Variants in NF2 observed in about 807,000 individuals in gnomAD.
NF2 encodes merlin.
A neutral mutation model predicts 83.7 loss-of-function variants in NF2; 8 were observed. That is an observed-to-expected ratio of 0.10 (90% CI 0.06 to 0.17). The LOEUF (loss-of-function observed/expected upper bound fraction) is 0.17. Ranked by LOEUF, NF2 falls within the 10% of genes least tolerant of loss-of-function variation. NF2 has a pLI of 1.00. For missense variants in NF2, 533 were observed against 744.4 expected (o/e 0.72, Z 3.31); for synonymous variants, 266 against 269.6 (o/e 0.99, Z 0.13).
chr22:29,619,476 A>G (rs1569269646), intron 1 of NF2, among the ~76,000 whole-genome samples: 1 of 151,840 alleles, frequency 6.6e-6, no homozygotes, highest in Non-Finnish European at 1.5e-5. Context: ...AGCTCACTTC[A>G]ACCTCTGTCT....
Position 29,673,398 on chromosome 22 carries a change from C to T in NF2, c.1252C>T (p.Arg418Cys), listed in dbSNP as rs765540111. 50 of 1,612,096 alleles carry T rather than the reference C, an allele frequency of 3.1e-5. No homozygotes were observed. The highest frequency in any genetic ancestry group is 4.0e-5 in the African/African-American group (3 of 74,932). The change falls in exon 12 of 16, where the codon CGC becomes TGC. Residue 418 changes from arginine (R) to cysteine (C), a missense_variant. Physicochemically the swap from Arg to Cys is radical, Grantham distance 180. Transcript: ENST00000338641. ...EMQRIKATAI[R>C]TEEEKRLMEQ... ...GCAGCGCATCAAGGCCACAGCGATT[C>T]GCACGGAGGAGGAGAAGCGCCTGAT...
intron 5 of NF2, 143 bp from the exon 6 acceptor site, chr22:29,655,447 CCTCT>C: frequency 1.4e-6 from 1 of 697,802 alleles, no homozygotes; most frequent in East Asian, 2.7e-5. Flanking sequence ...ATTTACACGC[CCTCT>C]CTCTGTGTGA....
chr22:29,650,216 TA>T (rs2066106202), intron 4 of NF2, among the ~76,000 whole-genome samples: 1 of 152,190 alleles, frequency 6.6e-6, no homozygotes, highest in South Asian at 2.1e-4. Context: ...TTTATGTATA[TA>T]AATTTTATCT....
chr22:29,650,503 G>T (rs982558265), intron 4 of NF2, among the ~76,000 whole-genome samples: 2 of 151,818 alleles, frequency 1.3e-5, no homozygotes, highest in African/African-American at 2.4e-5. Context: ...GCCTACTACT[G>T]TATTGTTTGT....
chr22:29,645,367 G>A (rs781205768), intron 4 of NF2, among the ~76,000 whole-genome samples: 32 of 152,200 alleles, frequency 2.1e-4, no homozygotes, highest in Non-Finnish European at 3.5e-4. Flanking sequence ...GCTAAGAGCA[G>A]AAGGGTAGAA....
chr22:29,656,080 A>G (rs950703492), intron 6 of NF2, among the ~76,000 whole-genome samples: 2 of 151,918 alleles, frequency 1.3e-5, no homozygotes, highest in South Asian at 2.1e-4. Flanking sequence ...CTGGCACTAC[A>G]GGCACACGCC....
chr22:29,674,753 C>T, intron 12 of NF2, 83 bp from the exon 13 acceptor site: 1 of 1,225,558 alleles, frequency 8.2e-7, no homozygotes, highest in South Asian at 1.3e-5. Flanking sequence ...TAGCCCAGGT[C>T]CCTCCTCTGC....
chr22:29,672,079 T>C (rs1275450639), intron 11 of NF2, 131 bp downstream of exon 11: 1 of 1,359,266 alleles, frequency 7.4e-7, no homozygotes, highest in African/African-American at 1.4e-5. Context: ...TTTGAAAAAA[T>C]CAGTGCCTTT....
At chr22:29,655,931 T>C (rs1473194656) in intron 6 of NF2, among the ~76,000 whole-genome samples, 1 of 151,734 alleles carries the variant, frequency 6.6e-6, no homozygotes, top group Non-Finnish European at 1.5e-5. Flanking sequence ...CACTGGTAAT[T>C]AAGTTTAAGA....
intron 8 of NF2, 55 bp downstream of exon 8, chr22:29,661,394 C>G: frequency 5.6e-6 from 9 of 1,607,992 alleles, no homozygotes; most frequent in Admixed American, 1.7e-5. Flanking sequence ...TGTCTGCCCC[C>G]CTCACTGGAG....
chr22:29,616,861 T>C (rs183047979), intron 1 of NF2, among the ~76,000 whole-genome samples: 1 of 152,212 alleles, frequency 6.6e-6, no homozygotes, highest in Non-Finnish European at 1.5e-5. Context: ...TAAGTTACTA[T>C]TTGATAGATG....
chr22:29,618,722 C>T (rs1203178612), intron 1 of NF2, among the ~76,000 whole-genome samples: 1 of 152,162 alleles, frequency 6.6e-6, no homozygotes, highest in Non-Finnish European at 1.5e-5. Flanking sequence ...AAAACAAAGC[C>T]TCCTTCTCCT....
rs2066493505 is a variant in NF2 at position 29,662,054 on chromosome 22, A to G, written c.810+715A>G. On this transcript the variant is annotated intron_variant, in intron 8 of 15. Transcript: ENST00000338641. ...GTGACTTTTACCAAAAAGGTCCCAT[A>G]ATGTATAATCTTATGTTTACTCATC... Among the ~76,000 whole-genome samples the G allele has an allele frequency of 3.9e-5, 6 of 152,206 alleles. No homozygotes were observed. The South Asian group carries it at 1.2e-3, about 31-fold the overall frequency.
At chr22:29,637,022 G>A in intron 2 of NF2, 146 bp downstream of exon 2, 1 of 1,215,868 alleles carries the variant, frequency 8.2e-7, no homozygotes, top group Non-Finnish European at 1.2e-6. Context: ...CAGAAAGCAG[G>A]ACGTAGAGAT....
chr22:29,678,117 G>A lies in NF2; in HGVS notation c.1447-79G>A, dbSNP rs1009025182. 8.1e-6 allele frequency: 13 copies of A among 1,598,352 alleles called. No homozygotes were observed. In the African/African-American group the frequency reaches 1.7e-4, roughly 21 times the overall value. ...GTGCCCATTGCCTCTGTGGCTGCTG[G>A]AGGATCGGTTGTCAACACAGTAGTG... On this transcript the variant is annotated intron_variant, in intron 13 of 15. Transcript: ENST00000338641.
chr22:29,660,799 C>T (rs930441875), intron 7 of NF2, among the ~76,000 whole-genome samples: 1 of 152,180 alleles, frequency 6.6e-6, no homozygotes, highest in Non-Finnish European at 1.5e-5. Flanking sequence ...GAACTCCTGA[C>T]CTCGTGAACC....
At chr22:29,687,158 A>C (rs79512785) in intron 15 of NF2, among the ~76,000 whole-genome samples, 2,832 of 152,266 alleles carry the variant, frequency 0.019, 90 homozygotes, top group African/African-American at 0.064. Flanking sequence ...CAAAGTCATC[A>C]CTTTTGTGCC....
intron 7 of NF2, among the ~76,000 whole-genome samples, chr22:29,660,595 A>C (rs2066449328): frequency 1.3e-5 from 2 of 152,200 alleles, no homozygotes; most frequent in Non-Finnish European, 1.5e-5. Flanking sequence ...TTTTTAACGA[A>C]GTCTCTCTTT....
At chr22:29,642,859 C>G (rs2065850354) in intron 4 of NF2, among the ~76,000 whole-genome samples, 2 of 152,170 alleles carry the variant, frequency 1.3e-5, no homozygotes, top group Non-Finnish European at 2.9e-5. Flanking sequence ...GACATGCTAG[C>G]TGTTCATGTG....
Sources: allele counts gnomAD v4.1 joint callset (sites outside exome capture counted in the v4.1 genomes callset), GRCh38; gene constraint gnomAD v4.1.1; transcripts MANE v1.5; gene names NCBI Gene and HGNC (gene_info 2026-07-23, HGNC 2026-07-21).